LRIG1: variants seen among roughly 807,000 people sequenced by gnomAD.
LRIG1 encodes leucine rich repeats and immunoglobulin like domains 1.
A neutral mutation model predicts 99.2 loss-of-function variants in LRIG1; 48 were observed. That is an observed-to-expected ratio of 0.48 (90% confidence interval 0.38 to 0.62). The LOEUF is 0.62. Ranked by LOEUF, LRIG1 falls within the 20% of genes least tolerant of loss-of-function variation. The pLI, the probability that LRIG1 is intolerant of heterozygous loss-of-function variation, is 0.00. For synonymous variants in LRIG1, 772 were observed against 596.1 expected (o/e 1.29, Z -4.30); for missense variants, 1,646 against 1,434.4 (o/e 1.15, Z -2.38).
At chr3:66,380,516 AC>A in intron 18 of LRIG1, 27 bp from the exon 19 acceptor site, 8 of 1,613,888 alleles carry the variant, frequency 5.0e-6, no homozygotes, top group Non-Finnish European at 6.8e-6. Flanking sequence ...AACCTGTCAG[AC>A]CCCCACTTGA....
In LRIG1 at chr3:66,394,188, G is replaced by A; in HGVS notation, c.1320C>T (p.Asp440=). 1.9e-6 allele frequency: 3 copies of A among 1,599,778 alleles called. No homozygotes were observed. The highest frequency in any genetic ancestry group is 2.3e-5 in the South Asian group (2 of 88,462). Residue 440 remains aspartate (D), a synonymous_variant, in exon 12 of 19, where the codon GAC becomes GAT. Coordinates refer to ENST00000273261, the MANE Select transcript of LRIG1 (RefSeq NM_015541.3). ...KNLKELHISS[D]SFLCDCQLKW... is the part of the protein sequence containing the mutation. ...TCAGCTGGCAGTCACACAGGAAGCT[G>A]TCGCTGCTGATATGGCTGAAAGAAA... is the stretch of plus-strand genomic sequence containing the variant.
chr3:66,381,587 G>C lies in LRIG1; in HGVS notation c.2662C>G (p.His888Asp). ...DASHFPEPDTHSVACRQPKLC... is the reference protein window; with the variant it reads ...DASHFPEPDTDSVACRQPKLC... ...TTTGGCTGCCTGCAGGCAACGCTGT[G>C]AGTGTCGGGCTCTGGAAAGTGGCTT... The change falls in exon 17 of 19, where the codon CAC (histidine) becomes GAC (aspartate). Residue 888 changes from histidine to aspartate, a missense_variant. By Grantham distance (81) the His-to-Asp change is moderately conservative (BLOSUM62 -1). Coordinates refer to ENST00000273261, the MANE Select transcript of LRIG1 (RefSeq NM_015541.3). 6.2e-7 allele frequency: 1 copy of C among 1,614,126 alleles called. No homozygotes were observed. The highest frequency in any genetic ancestry group is 8.5e-7 in the Non-Finnish European group (1 of 1,179,968).
intron 8 of LRIG1, chr3:66,405,686 A>T: frequency 2.8e-6 from 3 of 1,087,124 alleles, no homozygotes; most frequent in Non-Finnish European, 1.1e-6. Flanking sequence ...GACATGACCG[A>T]GAAACTGCAG....
At chr3:66,404,412 ACT>A (rs760911138) in intron 9 of LRIG1, 4 of 1,218,502 alleles carry the variant, frequency 3.3e-6, no homozygotes, top group East Asian at 5.8e-5. Context: ...AGTAATAATG[ACT>A]CTCGTCCCCT....
rs1701051034 is a variant in LRIG1 at position 66,381,357 on chromosome 3, T to TGAATACCA, written c.2770+114_2770+121dup. On this transcript the variant is annotated intron_variant, in intron 17 of 18. Transcript: ENST00000273261. ...AGGCCTGAGCTTCCCCTGTATATAC[T>TGAATACCA]GAATACCAAATTTGGAGACAGCTGT... is the stretch of plus-strand genomic sequence containing the variant. 3.1e-6 allele frequency: 3 copies of TGAATACCA among 965,250 alleles called. No homozygotes were observed. The East Asian group carries it at 7.3e-5, about 24-fold the overall frequency. The allele number at this position is 965,250 out of a possible 1,614,324, so 59.8% of individuals were successfully genotyped here.
intron 1 of LRIG1, among the ~76,000 whole-genome samples, chr3:66,493,725 G>A (rs1044190205): frequency 6.6e-6 from 1 of 152,048 alleles, no homozygotes; most frequent in African/African-American, 2.4e-5. Context: ...GAGCCCACGA[G>A]GCTGAGGCTG....
chr3:66,394,160 A>G lies in LRIG1; in HGVS notation c.1348T>C (p.Trp450Arg). 1 of 1,609,156 alleles carries G rather than the reference A, an allele frequency of 6.2e-7. No individual in the cohort carries two copies. The change falls in exon 12 of 19, where the codon TGG becomes CGG. Residue 450 changes from tryptophan (W) to arginine (R), a missense_variant. Trp to Arg is a moderately radical substitution (Grantham distance 101). Transcript: ENST00000273261. Reference protein sequence around the residue: ...DSFLCDCQLKWLPPWLIGRML... With the variant: ...DSFLCDCQLKRLPPWLIGRML... ...CTGCCAATTAGCCACGGGGGCAGCC[A>G]CTTCAGCTGGCAGTCACACAGGAAG...
At chr3:66,478,422 C>T (rs1559819541) in intron 1 of LRIG1, among the ~76,000 whole-genome samples, 1 of 152,124 alleles carries the variant, frequency 6.6e-6, no homozygotes, top group Non-Finnish European at 1.5e-5. Context: ...GAAAGAAAAC[C>T]CAACGGTAAC....
At chr3:66,486,376 G>A (rs1386791761) in intron 1 of LRIG1, among the ~76,000 whole-genome samples, 10 of 152,076 alleles carry the variant, frequency 6.6e-5, no homozygotes, top group Non-Finnish European at 1.5e-5. Flanking sequence ...TAACCACCGT[G>A]CGTCATGAAC....
intron 17 of LRIG1, 60 bp from the exon 18 acceptor site, chr3:66,380,921 C>A (rs1437803247): frequency 9.0e-6 from 14 of 1,555,114 alleles, no homozygotes; most frequent in Non-Finnish European, 1.2e-5. Flanking sequence ...CGTCCCCACA[C>A]AGAGGACAGG....
chr3:66,439,444 C>T (rs748435839), intron 3 of LRIG1, among the ~76,000 whole-genome samples: 3 of 152,174 alleles, frequency 2.0e-5, no homozygotes, highest in Non-Finnish European at 2.9e-5. Flanking sequence ...CAATTCCAAA[C>T]ACAACCTTCA....
chr3:66,469,814 A>C (rs1213039289), intron 1 of LRIG1, among the ~76,000 whole-genome samples: 1 of 151,754 alleles, frequency 6.6e-6, no homozygotes, highest in Non-Finnish European at 1.5e-5. Context: ...CACGCCTATA[A>C]ATCTCAGCAC....
At chr3:66,383,513 T>A (rs9872772) in intron 14 of LRIG1, 112 bp from the exon 15 acceptor site, 2 of 966,000 alleles carry the variant, frequency 2.1e-6, no homozygotes, top group Non-Finnish European at 3.0e-6. Context: ...GCATCTGAGA[T>A]TCTGTCTCAG....
In LRIG1 at chr3:66,380,142, C is replaced by G. The variant is rs978268889; in HGVS notation, c.*121G>C. 7 of 752,156 alleles carry G rather than the reference C, an allele frequency of 9.3e-6. No homozygotes were observed. In the African/African-American group the frequency reaches 1.2e-4, roughly 13 times the overall value. 46.6% of individuals were successfully genotyped at this position (752,156 alleles called of 1,614,324 possible). Reference sequence around the variant, plus strand: ...ATCCAAGTCCTGTGAGCGACTGATACTCCACATGGGAGTTACAACTATGTA... The same window carrying G: ...ATCCAAGTCCTGTGAGCGACTGATAGTCCACATGGGAGTTACAACTATGTA... On this transcript the variant is annotated 3_prime_UTR_variant, in exon 19 of 19. Transcript: ENST00000273261.
intron 1 of LRIG1, among the ~76,000 whole-genome samples, chr3:66,484,440 A>G (rs1700922980): frequency 6.6e-6 from 1 of 152,238 alleles, no homozygotes; most frequent in African/African-American, 2.4e-5. Flanking sequence ...TTCTATACAT[A>G]GCACTGCAGA....
At chr3:66,401,900 G>A in intron 9 of LRIG1, among the ~76,000 whole-genome samples, 1 of 152,174 alleles carries the variant, frequency 6.6e-6, no homozygotes, top group East Asian at 1.9e-4. Flanking sequence ...GCCAAATCAA[G>A]TGGCAGGTAC....
At chr3:66,420,805 GTTGT>G (rs1702782571) in intron 3 of LRIG1, among the ~76,000 whole-genome samples, 1 of 152,176 alleles carries the variant, frequency 6.6e-6, no homozygotes, top group Non-Finnish European at 1.5e-5. Flanking sequence ...AGGAAGATCT[GTTGT>G]TTAACGGTGT....
intron 3 of LRIG1, among the ~76,000 whole-genome samples, chr3:66,428,486 A>G (rs55842591): frequency 0.48 from 73,297 of 151,788 alleles, 21,206 homozygotes; most frequent in Non-Finnish European, 0.67. Context: ...CAAAAAAAAA[A>G]GAATAATTCT....
chr3:66,464,505 TAAA>T (rs67690348), intron 1 of LRIG1, among the ~76,000 whole-genome samples: 2 of 145,340 alleles, frequency 1.4e-5, no homozygotes, highest in Non-Finnish European at 3.0e-5. Context: ...CTTTATTACT[TAAA>T]AAAAAAAAAA....
Sources: gnomAD v4.1 joint callset for allele counts (sites outside exome capture counted in the v4.1 genomes callset) on GRCh38, gnomAD v4.1.1 for gene constraint, MANE v1.5 for transcripts, NCBI Gene and HGNC (gene_info 2026-07-23, HGNC 2026-07-21) for gene names.